Variants in RCAN1 observed in about 807,000 individuals in gnomAD.
The protein encoded by RCAN1 is regulator of calcineurin 1.
Under a neutral mutation model 22.9 loss-of-function variants are expected in RCAN1, and 11 were observed. The ratio of observed to expected loss-of-function variants is 0.48; its 90% CI spans 0.30 to 0.79. The LOEUF (loss-of-function observed/expected upper bound fraction) is 0.79, where lower values mean the gene tolerates loss of function less well. RCAN1 is among the 30% of genes least tolerant of loss of function. The pLI is 0.06. For synonymous variants in RCAN1, 136 were observed against 142.3 expected (o/e 0.96, Z 0.32); for missense variants, 291 against 337.8 (o/e 0.86, Z 1.09).
intron 1 of RCAN1, among the ~76,000 whole-genome samples, chr21:34,581,148 A>G (rs749437888): frequency 4.0e-5 from 6 of 149,248 alleles, no homozygotes; most frequent in Non-Finnish European, 7.4e-5. Flanking sequence ...GAAAGTCTAA[A>G]TAACTAAAAT....
At chr21:34,525,508 C>T in intron 1 of RCAN1, 1 of 859,836 alleles carries the variant, frequency 1.2e-6, no homozygotes, top group Non-Finnish European at 1.7e-6. Context: ...TTTGTATGAC[C>T]TCATCAATAG....
chr21:34,550,778 C>T (rs965704907), intron 1 of RCAN1, among the ~76,000 whole-genome samples: 1 of 152,174 alleles, frequency 6.6e-6, no homozygotes, highest in African/African-American at 2.4e-5. Flanking sequence ...TAGGTCTCTA[C>T]AGTTGGCTTT....
intron 1 of RCAN1, among the ~76,000 whole-genome samples, chr21:34,558,418 T>C (rs7279592): frequency 0.24 from 36,644 of 151,794 alleles, 5,121 homozygotes; most frequent in African/African-American, 0.39. Context: ...GACTGAGAAT[T>C]GAGATGACTG....
chr21:34,592,259 C>G (rs1987997355), intron 1 of RCAN1, among the ~76,000 whole-genome samples: 1 of 152,220 alleles, frequency 6.6e-6, no homozygotes, highest in South Asian at 2.1e-4. Context: ...CACCCTCTGC[C>G]CTGGTCTGCG....
rs1555856735 is a variant in RCAN1 at position 34,530,624 on chromosome 21, T to TTTTTGTTTGTTTTG, written c.253-6915_253-6914insCAAAACAAACAAAA. Among the ~76,000 whole-genome samples the TTTTTGTTTGTTTTG allele has an allele frequency of 4.0e-3, 413 of 102,824 alleles. 3 individuals carry two copies. The highest frequency in any genetic ancestry group is 8.1e-3 in the African/African-American group (170 of 20,982). The allele number at this position is 102,824 out of a possible 152,430, so 67.5% of individuals were successfully genotyped here. On this transcript the variant is annotated intron_variant, in intron 1 of 3. Coordinates refer to ENST00000313806, the MANE Select transcript of RCAN1 (RefSeq NM_004414.7). ...TCTAAGATAGTGAAATAGTTTTTTT[T>TTTTTGTTTGTTTTG]TTTTTTTTTTTTTTTTTTTGAGACA...
At chr21:34,555,072 TGTGCTAAACA>T (rs1199351437) in intron 1 of RCAN1, among the ~76,000 whole-genome samples, 1 of 152,232 alleles carries the variant, frequency 6.6e-6, no homozygotes, top group African/African-American at 2.4e-5. Context: ...AATGCAGAGA[TGTGCTAAACA>T]GTGCTAACAG....
intron 1 of RCAN1, chr21:34,526,868 C>T (rs1985095944): frequency 6.8e-7 from 1 of 1,462,036 alleles, no homozygotes; most frequent in Non-Finnish European, 8.9e-7. Flanking sequence ...TAAGGGCCAG[C>T]CCCCACTCCC....
At chr21:34,523,190 C>T in intron 2 of RCAN1, 1 of 232,514 alleles carries the variant, frequency 4.3e-6, no homozygotes, top group South Asian at 6.4e-5. Context: ...GAGCTCCAAC[C>T]CTTGAGCAAA....
At chr21:34,583,177 C>CTTTTTTTTTTTTTTTT (rs1568922372) in intron 1 of RCAN1, among the ~76,000 whole-genome samples, 1 of 107,034 alleles carries the variant, frequency 9.3e-6, no homozygotes, top group Non-Finnish European at 1.8e-5. Flanking sequence ...GGCGATAGGG[C>CTTTTTTTTTTTTTTTT]CTTTTTTTTT....
chr21:34,527,457 T>C (rs1478727720), intron 1 of RCAN1, among the ~76,000 whole-genome samples: 2 of 152,252 alleles, frequency 1.3e-5, no homozygotes, highest in African/African-American at 2.4e-5. Flanking sequence ...TGACATTTTA[T>C]TGGATGAATG....
chr21:34,578,888 G>A (rs761536136), intron 1 of RCAN1, among the ~76,000 whole-genome samples: 3 of 152,014 alleles, frequency 2.0e-5, no homozygotes, highest in Non-Finnish European at 4.4e-5. Context: ...TTCCCATCCC[G>A]ACTCCAACAG....
At chr21:34,534,999 T>C (rs1985603614) in intron 1 of RCAN1, among the ~76,000 whole-genome samples, 1 of 152,188 alleles carries the variant, frequency 6.6e-6, no homozygotes, top group African/African-American at 2.4e-5. Flanking sequence ...GCAGAGTCAA[T>C]TGGATGCATG....
intron 1 of RCAN1, among the ~76,000 whole-genome samples, chr21:34,538,087 T>C (rs1985754177): frequency 6.6e-6 from 1 of 152,246 alleles, no homozygotes; most frequent in Admixed American, 6.5e-5. Flanking sequence ...GAATCTGAAC[T>C]GTAATTCACT....
intron 1 of RCAN1, among the ~76,000 whole-genome samples, chr21:34,577,621 A>G (rs983976235): frequency 2.6e-5 from 4 of 152,100 alleles, no homozygotes; most frequent in Non-Finnish European, 5.9e-5. Flanking sequence ...ACAAACAAAC[A>G]AAAGATCACT....
intron 1 of RCAN1, among the ~76,000 whole-genome samples, chr21:34,563,047 C>G (rs551428293): frequency 6.6e-6 from 1 of 152,308 alleles, no homozygotes; most frequent in African/African-American, 2.4e-5. Context: ...TACCTCCACA[C>G]GCACACCATT....
intron 1 of RCAN1, among the ~76,000 whole-genome samples, chr21:34,603,093 T>C (rs1207520513): frequency 1.3e-5 from 2 of 151,894 alleles, no homozygotes; most frequent in Non-Finnish European, 2.9e-5. Flanking sequence ...CTTATCTTTA[T>C]AATAATAGCT....
chr21:34,570,835 T>A (rs948286103), intron 1 of RCAN1, among the ~76,000 whole-genome samples: 1 of 152,200 alleles, frequency 6.6e-6, no homozygotes, highest in Non-Finnish European at 1.5e-5. Flanking sequence ...TATCCTTTTT[T>A]TATAGAAATT....
At chr21:34,545,697 C>A (rs117715313) in intron 1 of RCAN1, among the ~76,000 whole-genome samples, 1,642 of 152,254 alleles carry the variant, frequency 0.011, 59 homozygotes, top group East Asian at 0.11. Flanking sequence ...GACTGTTTAG[C>A]CTCCCTGCTG....
intron 3 of RCAN1, 76 bp downstream of exon 3, chr21:34,521,423 T>G (rs189755745): frequency 6.2e-7 from 1 of 1,608,182 alleles, no homozygotes; most frequent in African/African-American, 1.3e-5. Flanking sequence ...ACGGGGGTAG[T>G]GGTGGTACTG....
Sources: allele counts gnomAD v4.1 joint callset (sites outside exome capture counted in the v4.1 genomes callset), GRCh38; gene constraint gnomAD v4.1.1; transcripts MANE v1.5; gene names NCBI Gene and HGNC (gene_info 2026-07-23, HGNC 2026-07-21).